Variants in RPL13 observed in about 807,000 individuals in gnomAD.
RPL13 encodes the protein ribosomal protein L13.
In RPL13, 1 loss-of-function variant was observed where a neutral mutation model predicts 21.4. That is an observed-to-expected ratio of 0.05 (90% CI 0.02 to 0.22). RPL13 has a LOEUF of 0.22. RPL13 is among the 10% of genes least tolerant of loss of function. The pLI is 1.00. For synonymous variants in RPL13, 143 were observed against 120.5 expected (o/e 1.19, Z -1.23); for missense variants, 289 against 303.0 (o/e 0.95, Z 0.34).
rs542001153 is a variant in RPL13 at position 89,560,689 on chromosome 16, C to T, written c.-44C>T. ...GCATTGCGGGGCCGCTTCCTTTCCGCTCGGCTGTTTTCCTGCGCAGGAGGT... is the reference window on the plus strand; with the variant it reads ...GCATTGCGGGGCCGCTTCCTTTCCGTTCGGCTGTTTTCCTGCGCAGGAGGT... On this transcript the variant is annotated 5_prime_UTR_variant, in exon 1 of 6. Transcript: ENST00000311528. 2.3e-3 allele frequency: 920 copies of T among 395,462 alleles called. 6 individuals carry two copies. The highest frequency in any genetic ancestry group is 0.01 in the South Asian group (242 of 23,246). The allele number at this position is 395,462 out of a possible 1,614,324, so 24.5% of individuals were successfully genotyped here.
At chr16:89,561,123 C>A in intron 2 of RPL13, 60 bp downstream of exon 2, 1 of 1,542,174 alleles carries the variant, frequency 6.5e-7, no homozygotes, top group Non-Finnish European at 8.7e-7. Context: ...CCTTGGCTTG[C>A]GGGTGGCCGA....
At chr16:89,561,188 T>A (rs1448904573) in intron 2 of RPL13, 39 bp from the exon 3 acceptor site, 2 of 1,521,692 alleles carry the variant, frequency 1.3e-6, no homozygotes, top group Non-Finnish European at 8.8e-7. Flanking sequence ...CCTGGCGGCC[T>A]TAGGCAAGGG....
chr16:89,562,607 TTTG>T (rs568823810), intron 5 of RPL13: 141 of 592,752 alleles, frequency 2.4e-4, no homozygotes, highest in African/African-American at 2.0e-3. Flanking sequence ...TTTGTGTTTT[TTTG>T]TTGTTGTTGG....
intron 5 of RPL13, chr16:89,562,620 G>T: frequency 1.7e-6 from 1 of 586,434 alleles, no homozygotes. Context: ...GTTGTTGTTG[G>T]AAAGAGAGTT....
chr16:89,563,057 C>G lies in RPL13; in HGVS notation c.*15C>G, dbSNP rs752109086. The stretch of plus-strand genomic sequence containing the variant: ...AGAAAAAATAAAGCCCTCCTGGGGA[C>G]TTGGAATCAGTCGGCAGTCATGCTG... On this transcript the variant is annotated 3_prime_UTR_variant, in exon 6 of 6. Transcript: ENST00000311528. 39 of 1,492,020 alleles carry G rather than the reference C, an allele frequency of 2.6e-5. No individual in the cohort carries two copies. The highest frequency in any genetic ancestry group is 3.3e-5 in the Non-Finnish European group (37 of 1,117,496). The allele number at this position is 1,492,020 out of a possible 1,614,324, so 92.4% of individuals were successfully genotyped here. A position where few individuals can be genotyped will look rare whatever the true frequency, so the allele number is the denominator to read the frequency against.
At chr16:89,566,335 A>ATCGGGGATAGTCTCAGGAGGCGCTAG (rs1247416944), downstream of RPL13, 1 of 152,184 alleles carries the variant, frequency 6.6e-6, no homozygotes, top group Non-Finnish European at 1.5e-5. Context: ...TGCCTCGGTG[A>ATCGGGGATAGTCTCAGGAGGCGCTAG]TGCACCGTTT....
At chr16:89,561,776 C>T (rs376881592) in intron 4 of RPL13, 25 bp downstream of exon 4, 10 of 1,604,694 alleles carry the variant, frequency 6.2e-6, no homozygotes, top group East Asian at 2.2e-5. Flanking sequence ...CTCTGGCCGT[C>T]CTGGTGCGCG....
downstream of RPL13, chr16:89,565,527 G>A (rs1398224060): frequency 2.0e-5 from 3 of 148,588 alleles, no homozygotes; most frequent in Admixed American, 6.7e-5. Flanking sequence ...CAGATGCAAA[G>A]GGGCCCTTTG....
chr16:89,566,161 G>T (rs890296720), downstream of RPL13: 2 of 133,072 alleles, frequency 1.5e-5, no homozygotes, highest in Non-Finnish European at 3.3e-5. Context: ...TGCCAGCAGT[G>T]CCCACGGGGG....
intron 1 of RPL13, 42 bp from the exon 2 acceptor site, chr16:89,560,898 G>A: frequency 2.7e-6 from 4 of 1,458,878 alleles, no homozygotes; most frequent in Non-Finnish European, 1.9e-6. Context: ...GGGTGCGCGC[G>A]CCCGGGGTCC....
rs1364057251 is a variant in RPL13 at position 89,562,350 on chromosome 16, C to G, written c.436C>G (p.Leu146Val). ...KGDSSAEELK[L>V]ATQLTGPVMP... is the part of the protein sequence containing the mutation. Reference sequence around the variant, plus strand: ...TCACCAACAGGCTGAAGAACTGAAACTGGCCACCCAGCTGACCGGACCGGT... The same window carrying G: ...TCACCAACAGGCTGAAGAACTGAAAGTGGCCACCCAGCTGACCGGACCGGT... The change falls in exon 5 of 6, where the codon CTG (leucine) becomes GTG (valine). Residue 146 changes from leucine (L) to valine (V), a missense_variant. Physicochemically the swap from Leu to Val is conservative, Grantham distance 32. Coordinates refer to ENST00000311528, the MANE Select transcript of RPL13 (RefSeq NM_000977.4). The G allele has an allele frequency of 4.3e-6, 7 of 1,613,278 alleles. No homozygotes were observed. The highest frequency in any genetic ancestry group is 5.9e-6 in the Non-Finnish European group (7 of 1,179,934).
At chr16:89,561,782 G>T (rs1193952004) in intron 4 of RPL13, 31 bp downstream of exon 4, 5 of 1,603,390 alleles carry the variant, frequency 3.1e-6, no homozygotes, top group African/African-American at 2.7e-5. Context: ...CCGTCCTGGT[G>T]CGCGGGGACA....
chr16:89,562,800 G>A, intron 5 of RPL13, 84 bp from the exon 6 acceptor site: 1 of 1,396,600 alleles, frequency 7.2e-7, no homozygotes, highest in Non-Finnish European at 9.5e-7. Flanking sequence ...CAATCCCCGG[G>A]AGGTCCTCCA....
In RPL13 at chr16:89,560,866, G is replaced by A. The variant is rs536549879; in HGVS notation, c.-20-74G>A. The A allele has an allele frequency of 9.1e-6, 10 of 1,102,834 alleles. No homozygotes were observed. The Admixed American group carries it at 2.1e-4, about 24-fold the overall frequency. 68.3% of individuals were successfully genotyped at this position (1,102,834 alleles called of 1,614,324 possible). A position where few individuals can be genotyped will look rare whatever the true frequency, so the allele number is the denominator to read the frequency against. On this transcript the variant is annotated intron_variant, in intron 1 of 5. Coordinates refer to ENST00000311528, the MANE Select transcript of RPL13 (RefSeq NM_000977.4). ...CGCGGCCGGACGGCCCAGTCTGGAG[G>A]GTTCGGGGCGGAGGCCCGGGGGGGT...
chr16:89,562,335 G>A lies in RPL13; in HGVS notation c.421G>A (p.Ala141Thr), dbSNP rs769022517. The A allele has an allele frequency of 4.3e-6, 7 of 1,613,106 alleles. No individual in the cohort carries two copies. The African/African-American group carries it at 9.3e-5, about 22-fold the overall frequency. The change falls in exon 5 of 6, where the codon GCT becomes ACT. Residue 141 changes from alanine (A) to threonine (T), a missense_variant and splice_region_variant. By Grantham distance (58) the Ala-to-Thr change is moderately conservative. Transcript: ENST00000311528. ...PSAPKKGDSS[A>T]EELKLATQLT... is the part of the protein sequence containing the mutation. ...CTTAACTCTTCTCATTCACCAACAG[G>A]CTGAAGAACTGAAACTGGCCACCCA...
chr16:89,563,180 A>C lies in RPL13; in HGVS notation c.*138A>C. The C allele has an allele frequency of 3.8e-6, 3 of 785,336 alleles. No individual in the cohort carries two copies. Among genetic ancestry groups the C allele is most frequent in the East Asian group, 3.3e-5 (1 of 30,192 alleles). The allele number at this position is 785,336 out of a possible 1,614,324, so 48.6% of individuals were successfully genotyped here. A position where few individuals can be genotyped will look rare whatever the true frequency, so the allele number is the denominator to read the frequency against. ...CCAGGGGATTTGGGGCTTTCTTGAA[A>C]GACAGTCCAAGCCCTGGATAATGCT... On this transcript the variant is annotated 3_prime_UTR_variant, in exon 6 of 6. Coordinates refer to ENST00000311528, the MANE Select transcript of RPL13 (RefSeq NM_000977.4).
downstream of RPL13, chr16:89,565,131 T>A (rs2058775350): frequency 6.6e-6 from 1 of 152,312 alleles, no homozygotes; most frequent in Non-Finnish European, 1.5e-5. Flanking sequence ...TAACCTTACG[T>A]TCTCTCCGTT....
At chr16:89,562,777 C>G (rs895801799) in intron 5 of RPL13, 107 bp from the exon 6 acceptor site, 3 of 1,215,846 alleles carry the variant, frequency 2.5e-6, no homozygotes. Context: ...CTTATGGCAG[C>G]GAACCTGACC....
chr16:89,564,835 G>C (rs1160000758), downstream of RPL13: 2 of 152,958 alleles, frequency 1.3e-5, no homozygotes, highest in South Asian at 4.1e-4. Context: ...ACCGCACTAG[G>C]GGAAGGGCCT....
Sources: allele counts gnomAD v4.1 joint callset, GRCh38; gene constraint gnomAD v4.1.1; transcripts MANE v1.5; gene names NCBI Gene and HGNC (gene_info 2026-07-23, HGNC 2026-07-21).